The following ARPP21 variants were observed in gnomAD, a reference collection of about 807,000 sequenced individuals.
The protein encoded by ARPP21 is cAMP regulated phosphoprotein 21.
A neutral mutation model predicts 113.2 loss-of-function variants in ARPP21; 69 were observed. The observed-to-expected ratio is 0.61, with a 90% CI of 0.50 to 0.74. ARPP21 has a LOEUF of 0.74. ARPP21 is among the 30% of genes least tolerant of loss of function. ARPP21 has a pLI of 0.00. For synonymous variants in ARPP21, 368 were observed against 375.5 expected, an observed-to-expected ratio of 0.98 and a Z score of 0.23; for missense variants, 1,070 against 1,037.4, an observed-to-expected ratio of 1.03 and a Z score of -0.43.
intron 19 of ARPP21, among the ~76,000 whole-genome samples, chr3:35,778,833 C>T (rs956256793): frequency 1.3e-4 from 20 of 152,140 alleles, no homozygotes; most frequent in South Asian, 4.1e-4. Context: ...CACTGAGCCC[C>T]GTGAGTACAA....
intron 19 of ARPP21, among the ~76,000 whole-genome samples, chr3:35,776,804 G>T (rs998941510): frequency 6.6e-6 from 1 of 151,948 alleles, no homozygotes; most frequent in Non-Finnish European, 1.5e-5. Context: ...AGAAATCACT[G>T]CTCTCCCAGG....
chr3:35,721,893 T>C (rs989525051), intron 14 of ARPP21, 59 bp downstream of exon 14: 1 of 1,084,914 alleles, frequency 9.2e-7, no homozygotes, highest in Non-Finnish European at 1.3e-6. Context: ...ACCCAAGCCA[T>C]ATGGTCACCA....
Position 35,738,248 on chromosome 3 carries a change from T to G in ARPP21, c.1679T>G (p.Val560Gly). The G allele has an allele frequency of 3.3e-6, 5 of 1,536,394 alleles. No homozygotes were observed. The highest frequency in any genetic ancestry group is 2.4e-5 in the East Asian group (1 of 40,896). ...GGGCTGCAGGCTTCCTCCCAGTCAG[T>G]GCAATATCCAGCAGTCTCTTTTCCT... The part of the protein sequence containing the change: ...VQGLQASSQS[V>G]QYPAVSFPPQ... Residue 560 changes from valine (V) to glycine (G), a missense_variant, in exon 17 of 21, where the codon GTG becomes GGG. Coordinates refer to ENST00000684406, the MANE Select transcript of ARPP21 (RefSeq NM_001385562.1).
chr3:35,696,339 A>G (rs974711423), intron 9 of ARPP21, among the ~76,000 whole-genome samples: 17 of 151,620 alleles, frequency 1.1e-4, no homozygotes, highest in South Asian at 1.0e-3. Context: ...TTAGAGAATT[A>G]GTAAAGGAAG....
intron 7 of ARPP21, among the ~76,000 whole-genome samples, chr3:35,689,589 A>G (rs1461840921): frequency 6.6e-6 from 1 of 151,584 alleles, no homozygotes. Context: ...GTAGTTACCC[A>G]ATTAATAAAT....
chr3:35,778,750 A>G (rs1380827945), intron 19 of ARPP21, among the ~76,000 whole-genome samples: 1 of 152,200 alleles, frequency 6.6e-6, no homozygotes, highest in Non-Finnish European at 1.5e-5. Context: ...GTCTGAAACG[A>G]TCTACACAAT....
intron 19 of ARPP21, among the ~76,000 whole-genome samples, chr3:35,777,122 T>C (rs889312852): frequency 6.6e-6 from 1 of 152,166 alleles, no homozygotes; most frequent in East Asian, 1.9e-4. Context: ...GAATAGTGTG[T>C]GTGTGCCTTT....
intron 14 of ARPP21, among the ~76,000 whole-genome samples, chr3:35,726,133 C>T (rs535833502): frequency 2.6e-5 from 4 of 152,338 alleles, no homozygotes; most frequent in African/African-American, 7.2e-5. Flanking sequence ...GTGATTGTCA[C>T]ATATGCATAC....
intron 19 of ARPP21, among the ~76,000 whole-genome samples, chr3:35,748,454 AAG>A (rs1276310067): frequency 3.4e-4 from 52 of 151,480 alleles, no homozygotes; most frequent in African/African-American, 1.2e-3. Flanking sequence ...AAAGAAAAGA[AAG>A]AAAAAGAAAG....
intron 19 of ARPP21, among the ~76,000 whole-genome samples, chr3:35,760,734 A>T (rs961557615): frequency 2.6e-5 from 4 of 152,070 alleles, no homozygotes; most frequent in Admixed American, 2.0e-4. Context: ...TTCCTAAGGA[A>T]ATGTGTGAAT....
chr3:35,779,717 C>G (rs1049731904), intron 19 of ARPP21, among the ~76,000 whole-genome samples: 1 of 152,134 alleles, frequency 6.6e-6, no homozygotes, highest in East Asian at 1.9e-4. Flanking sequence ...CATAAAGGAG[C>G]AAACTCACAT....
intron 15 of ARPP21, among the ~76,000 whole-genome samples, chr3:35,731,177 G>C (rs910588979): frequency 6.6e-6 from 1 of 152,124 alleles, no homozygotes; most frequent in African/African-American, 2.4e-5. Context: ...TTTTGAAAAA[G>C]CTCAACAGAG....
intron 19 of ARPP21, among the ~76,000 whole-genome samples, chr3:35,758,115 C>G (rs1350718508): frequency 3.9e-5 from 6 of 152,008 alleles, no homozygotes; most frequent in Non-Finnish European, 8.8e-5. Flanking sequence ...CATTCCTGAC[C>G]TTGTGGCCCA....
rs1164614968 is a variant in ARPP21, at chr3:35,683,021, G to T, written c.171+132G>T. The T allele has an allele frequency of 1.4e-5, 11 of 801,850 alleles. No individual in the cohort carries two copies. In the Admixed American group the frequency reaches 3.0e-4, roughly 22 times the overall value. The allele number at this position is 801,850 out of a possible 1,614,324, so 49.7% of individuals were successfully genotyped here. A position where few individuals can be genotyped will look rare whatever the true frequency, so the allele number is the denominator to read the frequency against. ...ATTGTGGGGCATCTCGGCTGTACTG[G>T]TGCTGGCTGTTTTTGATGGGGTTAT... On this transcript the variant is annotated intron_variant, in intron 4 of 20. Transcript: ENST00000684406.
chr3:35,789,671 G>C (rs1168935411), intron 19 of ARPP21, among the ~76,000 whole-genome samples: 1 of 152,208 alleles, frequency 6.6e-6, no homozygotes, highest in Non-Finnish European at 1.5e-5. Flanking sequence ...TGGAGAAGGA[G>C]ATGCTGTGGC....
chr3:35,707,798 A>G (rs1267691729), intron 10 of ARPP21, among the ~76,000 whole-genome samples: 1 of 151,934 alleles, frequency 6.6e-6, no homozygotes, highest in Non-Finnish European at 1.5e-5. Flanking sequence ...TCTTCTTTAG[A>G]TTGGCGGGGG....
chr3:35,763,204 C>T (rs2095843812), intron 19 of ARPP21, among the ~76,000 whole-genome samples: 1 of 152,088 alleles, frequency 6.6e-6, no homozygotes, highest in African/African-American at 2.4e-5. Flanking sequence ...AAATGGCACT[C>T]TTCAGGTGCG....
intron 9 of ARPP21, among the ~76,000 whole-genome samples, chr3:35,703,553 C>T (rs1256042445): frequency 6.6e-6 from 1 of 151,474 alleles, no homozygotes; most frequent in African/African-American, 2.4e-5. Flanking sequence ...TATTTTTCAC[C>T]TAGAATAAGC....
chr3:35,677,738 GAT>G (rs1210594513), intron 1 of ARPP21, among the ~76,000 whole-genome samples: 1 of 151,948 alleles, frequency 6.6e-6, no homozygotes, highest in Non-Finnish European at 1.5e-5. Context: ...TTGAAGAAAA[GAT>G]ATTTGTTGAA....
Sources: gnomAD v4.1 joint callset for allele counts (sites outside exome capture counted in the v4.1 genomes callset) on GRCh38, gnomAD v4.1.1 for gene constraint, MANE v1.5 for transcripts, NCBI Gene and HGNC (gene_info 2026-07-23, HGNC 2026-07-21) for gene names.